C16orf78: variants seen among roughly 807,000 people sequenced by gnomAD.
The protein encoded by C16orf78 is uncharacterized protein C16orf78.
A neutral mutation model predicts 27.3 loss-of-function variants in C16orf78; 19 were observed. The ratio of observed to expected loss-of-function variants is 0.70; its 90% CI spans 0.49 to 1.02. The LOEUF (loss-of-function observed/expected upper bound fraction) is 1.02, where lower values mean the gene tolerates loss of function less well. C16orf78 is among the 50% of genes least tolerant of loss of function. The pLI is 0.00. For missense variants in C16orf78, 339 were observed against 337.0 expected (o/e 1.01, Z -0.05); for synonymous variants, 130 against 116.1 (o/e 1.12, Z -0.77).
chr16:49,388,489 G>A (rs1406046799), intron 3 of C16orf78, among the ~76,000 whole-genome samples: 1 of 152,060 alleles, frequency 6.6e-6, no homozygotes, highest in Non-Finnish European at 1.5e-5. Flanking sequence ...TCAGGAGCAG[G>A]CTATTTAATT....
intron 1 of C16orf78, among the ~76,000 whole-genome samples, chr16:49,374,485 G>A (rs1469621935): frequency 6.6e-6 from 1 of 152,210 alleles, no homozygotes; most frequent in Non-Finnish European, 1.5e-5. Context: ...TTTTCTAGAG[G>A]AAATGCTCTA....
intron 1 of C16orf78, among the ~76,000 whole-genome samples, chr16:49,375,325 T>C (rs1965200963): frequency 6.6e-6 from 1 of 152,036 alleles, no homozygotes; most frequent in Admixed American, 6.6e-5. Context: ...ACTGGGTCAT[T>C]TATTTAAAAA....
intron 3 of C16orf78, among the ~76,000 whole-genome samples, chr16:49,387,843 G>T (rs1165101136): frequency 6.6e-6 from 1 of 152,152 alleles, no homozygotes; most frequent in African/African-American, 2.4e-5. Flanking sequence ...TGTACAGAGA[G>T]GTTTTCATAA....
chr16:49,393,153 C>T (rs1965432453), intron 3 of C16orf78, among the ~76,000 whole-genome samples: 1 of 152,136 alleles, frequency 6.6e-6, no homozygotes. Flanking sequence ...TGAGAACAGA[C>T]TCATACAGCA....
chr16:49,377,307 A>T (rs372201307), intron 1 of C16orf78, among the ~76,000 whole-genome samples: 21 of 152,242 alleles, frequency 1.4e-4, no homozygotes, highest in Admixed American at 5.9e-4. Flanking sequence ...GGGGTGAGCA[A>T]AGGCCCAGAG....
chr16:49,385,321 T>G (rs937470684), intron 3 of C16orf78, among the ~76,000 whole-genome samples: 1 of 152,190 alleles, frequency 6.6e-6, no homozygotes, highest in Non-Finnish European at 1.5e-5. Context: ...GAAAGTATAG[T>G]TTTAGTATAT....
At chr16:49,376,827 CT>C (rs1965224814) in intron 1 of C16orf78, among the ~76,000 whole-genome samples, 1 of 152,192 alleles carries the variant, frequency 6.6e-6, no homozygotes, top group Non-Finnish European at 1.5e-5. Context: ...AGAGCAGAAA[CT>C]TGCCGAGGTC....
Position 49,396,321 on chromosome 16 carries a change from T to G in C16orf78, c.395-102T>G, listed in dbSNP as rs1965471905. ...ACCTCATATCTCAGAACAGGTACGG[T>G]TTGAAGTCCATGCATTCCTCCAGCC... On this transcript the variant is annotated intron_variant, in intron 3 of 4. Transcript: ENST00000299191. 3.0e-6 allele frequency: 4 copies of G among 1,341,332 alleles called. No individual in the cohort carries two copies. The South Asian group carries it at 5.3e-5, about 18-fold the overall frequency. 83.1% of individuals were successfully genotyped at this position (1,341,332 alleles called of 1,614,324 possible). A position where few individuals can be genotyped will look rare whatever the true frequency, so the allele number is the denominator to read the frequency against.
In C16orf78 at chr16:49,396,641, A is replaced by T; in HGVS notation, c.613A>T (p.Met205Leu). ...AAGCACCGAACCTAAGATGGAAACC[A>T]TGAGGATGTTGAAGCCAGAGGAGGT... ...EKSTEPKMET[M>L]RMLKPEEVLS... The change falls in exon 4 of 5, where the codon ATG becomes TTG. Residue 205 changes from methionine (M) to leucine (L), a missense_variant. Transcript: ENST00000299191. 6.2e-7 allele frequency: 1 copy of T among 1,612,300 alleles called. No individual in the cohort carries two copies. Among genetic ancestry groups the T allele is most frequent in the Non-Finnish European group, 8.5e-7 (1 of 1,180,020 alleles).
rs1965248511 is a variant in C16orf78, at chr16:49,378,538, G to C, written c.339G>C (p.Gly113=). Residue 113 remains glycine (G), a synonymous_variant, in exon 3 of 5, where the codon GGG becomes GGC. Coordinates refer to ENST00000299191, the MANE Select transcript of C16orf78 (RefSeq NM_144602.4). ...YRSLYGVEQK[G]KHLSMVPGSY... is the part of the protein sequence containing the mutation. ...GCCTCTATGGAGTGGAGCAAAAGGG[G>C]AAACACCTCAGCATGGTCCCTGGCA... is the stretch of plus-strand genomic sequence containing the variant. 2 of 1,613,406 alleles carry C rather than the reference G, an allele frequency of 1.2e-6. No individual in the cohort carries two copies. Among genetic ancestry groups the C allele is most frequent in the Non-Finnish European group, 1.7e-6 (2 of 1,179,714 alleles).
intron 3 of C16orf78, among the ~76,000 whole-genome samples, chr16:49,383,657 TG>T (rs1965313101): frequency 2.0e-5 from 3 of 152,230 alleles, no homozygotes; most frequent in Non-Finnish European, 4.4e-5. Flanking sequence ...CTTCTATGAC[TG>T]CCACATTGGC....
chr16:49,381,109 G>T (rs1170139925), intron 3 of C16orf78, among the ~76,000 whole-genome samples: 1 of 152,138 alleles, frequency 6.6e-6, no homozygotes, highest in Non-Finnish European at 1.5e-5. Context: ...TTGACTTGGC[G>T]ATGCGAGCTG....
chr16:49,394,213 A>G (rs1965445392), intron 3 of C16orf78, among the ~76,000 whole-genome samples: 1 of 152,172 alleles, frequency 6.6e-6, no homozygotes, highest in South Asian at 2.1e-4. Flanking sequence ...TAATTTAAAA[A>G]GCTATTAAAT....
At chr16:49,377,665 G>A in intron 1 of C16orf78, 66 bp from the exon 2 acceptor site, 1 of 1,556,442 alleles carries the variant, frequency 6.4e-7, no homozygotes, top group Non-Finnish European at 8.7e-7. Flanking sequence ...CCTTCTCCTT[G>A]GGGAAAGGGA....
At chr16:49,384,342 C>T (rs1464963973) in intron 3 of C16orf78, among the ~76,000 whole-genome samples, 4 of 134,272 alleles carry the variant, frequency 3.0e-5, no homozygotes, top group East Asian at 2.1e-4. Flanking sequence ...GAGCAAAACT[C>T]CATCAAAAAA....
intron 1 of C16orf78, among the ~76,000 whole-genome samples, chr16:49,376,458 G>A (rs1218262933): frequency 2.0e-5 from 3 of 152,182 alleles, no homozygotes; most frequent in African/African-American, 7.2e-5. Context: ...GGGGGATGGT[G>A]GAAGGGGCTG....
At chr16:49,388,089 A>G (rs1318044437) in intron 3 of C16orf78, among the ~76,000 whole-genome samples, 1 of 152,168 alleles carries the variant, frequency 6.6e-6, no homozygotes, top group Non-Finnish European at 1.5e-5. Flanking sequence ...GTTCAAGACC[A>G]GCCTGGACAA....
intron 1 of C16orf78, among the ~76,000 whole-genome samples, chr16:49,375,164 G>A (rs1229728124): frequency 6.6e-6 from 1 of 152,136 alleles, no homozygotes; most frequent in Non-Finnish European, 1.5e-5. Context: ...GGCAGAGCCA[G>A]GGCTCAAACT....
intron 3 of C16orf78, among the ~76,000 whole-genome samples, chr16:49,389,583 G>A (rs1255653063): frequency 2.0e-5 from 3 of 152,100 alleles, no homozygotes; most frequent in African/African-American, 7.2e-5. Flanking sequence ...GTGACAGGGC[G>A]AGACTCTGTA....
Sources: allele counts gnomAD v4.1 joint callset (sites outside exome capture counted in the v4.1 genomes callset), GRCh38; gene constraint gnomAD v4.1.1; transcripts MANE v1.5; gene names NCBI Gene and HGNC (gene_info 2026-07-23, HGNC 2026-07-21).